Variants in PCDH9 observed in about 807,000 individuals in gnomAD.
The protein encoded by PCDH9 is protocadherin-9.
PCDH9 carries 24 observed loss-of-function variants against 70.6 expected under a neutral mutation model. That is an observed-to-expected ratio of 0.34 (90% CI 0.25 to 0.48). The LOEUF (loss-of-function observed/expected upper bound fraction) is 0.48. PCDH9 is among the 20% of genes least tolerant of loss of function. PCDH9 has a pLI of 0.99. For synonymous variants in PCDH9, 562 were observed against 558.5 expected, an observed-to-expected ratio of 1.01 and a Z score of -0.09; for missense variants, 1,281 against 1,503.6, an observed-to-expected ratio of 0.85 and a Z score of 2.45.
At chr13:67,034,089 A>T (rs1055725829) in intron 2 of PCDH9, among the ~76,000 whole-genome samples, 7 of 152,094 alleles carry the variant, frequency 4.6e-5, no homozygotes, top group Non-Finnish European at 1.0e-4. Flanking sequence ...GGTTCAAGCG[A>T]TTCTCCTGCC....
intron 2 of PCDH9, among the ~76,000 whole-genome samples, chr13:67,093,504 T>C (rs751489345): frequency 3.3e-5 from 5 of 152,054 alleles, no homozygotes; most frequent in Non-Finnish European, 7.4e-5. Flanking sequence ...ATTAAGATTG[T>C]CAACTATACT....
intron 4 of PCDH9, among the ~76,000 whole-genome samples, chr13:66,358,353 T>C (rs547183984): frequency 5.2e-4 from 79 of 152,110 alleles, no homozygotes; most frequent in Middle Eastern, 3.4e-3. Flanking sequence ...CTTAATGTCT[T>C]AGAAGTAATT....
chr13:66,596,469 T>C (rs1477145944), intron 4 of PCDH9, among the ~76,000 whole-genome samples: 1 of 151,632 alleles, frequency 6.6e-6, no homozygotes, highest in African/African-American at 2.4e-5. Flanking sequence ...CATGTACATA[T>C]ATACACCCAT....
chr13:66,512,318 C>A (rs1313754230), intron 4 of PCDH9, among the ~76,000 whole-genome samples: 2 of 147,336 alleles, frequency 1.4e-5, no homozygotes, highest in Non-Finnish European at 3.0e-5. Context: ...AATAAGAATT[C>A]ATGAGAAGCG....
chr13:66,540,459 G>C (rs995165863), intron 4 of PCDH9, among the ~76,000 whole-genome samples: 1 of 152,032 alleles, frequency 6.6e-6, no homozygotes, highest in African/African-American at 2.4e-5. Context: ...ACCATAAGCA[G>C]AAATTTTATT....
chr13:66,877,008 C>A, intron 3 of PCDH9: 1 of 151,296 alleles, frequency 6.6e-6, no homozygotes. Flanking sequence ...TATGAAAGCT[C>A]CTGACAATGT....
chr13:66,432,320 T>G lies in PCDH9; in HGVS notation c.3341-127292A>C, dbSNP rs1957786299. Among the ~76,000 whole-genome samples, 3 of 151,844 alleles carry G rather than the reference T, an allele frequency of 2.0e-5. No homozygotes were observed. In the South Asian group the frequency reaches 6.2e-4, roughly 32 times the overall value. ...GAGAAGAAGACTGTTTAAAGACAACTTTGGGAATTTGTGGCAACATGACGT... is the reference window on the plus strand; with the variant it reads ...GAGAAGAAGACTGTTTAAAGACAACGTTGGGAATTTGTGGCAACATGACGT... On this transcript the variant is annotated intron_variant, in intron 4 of 4. Transcript: ENST00000377865.
intron 4 of PCDH9, among the ~76,000 whole-genome samples, chr13:66,451,963 T>C (rs1490494560): frequency 2.0e-5 from 3 of 152,206 alleles, no homozygotes; most frequent in African/African-American, 4.8e-5. Context: ...TTTTGCTTGC[T>C]TGTTTTTAAA....
intron 2 of PCDH9, chr13:67,208,411 GC>G (rs2089400565): frequency 6.6e-6 from 1 of 152,042 alleles, no homozygotes; most frequent in Non-Finnish European, 1.5e-5. Context: ...TGTTCAGAGA[GC>G]CATATGGTTA....
intron 2 of PCDH9, among the ~76,000 whole-genome samples, chr13:66,987,623 C>T (rs1434150930): frequency 6.6e-6 from 1 of 151,890 alleles, no homozygotes; most frequent in Non-Finnish European, 1.5e-5. Flanking sequence ...TAGGTAGACT[C>T]TATATTATGA....
At chr13:66,415,965 G>C (rs1048107225) in intron 4 of PCDH9, among the ~76,000 whole-genome samples, 1 of 152,108 alleles carries the variant, frequency 6.6e-6, no homozygotes, top group African/African-American at 2.4e-5. Flanking sequence ...AAATTTTCCT[G>C]ATTATTGTCA....
At chr13:66,846,759 C>G (rs1055310635) in intron 3 of PCDH9, among the ~76,000 whole-genome samples, 1 of 151,970 alleles carries the variant, frequency 6.6e-6, no homozygotes, top group Admixed American at 6.6e-5. Context: ...AAATTATCAA[C>G]AATTTTTAAA....
chr13:67,154,674 T>C, intron 2 of PCDH9, among the ~76,000 whole-genome samples: 1 of 148,474 alleles, frequency 6.7e-6, no homozygotes, highest in Non-Finnish European at 1.5e-5. Flanking sequence ...TTTGATAACT[T>C]ATGTTGTGTT....
intron 2 of PCDH9, among the ~76,000 whole-genome samples, chr13:67,058,398 A>G (rs1376535914): frequency 6.6e-6 from 1 of 152,144 alleles, no homozygotes; most frequent in Non-Finnish European, 1.5e-5. Flanking sequence ...CCAAGTGTGC[A>G]CGTCCCAGCT....
At chr13:66,644,802 C>T (rs922437898) in intron 3 of PCDH9, among the ~76,000 whole-genome samples, 2 of 152,034 alleles carry the variant, frequency 1.3e-5, no homozygotes, top group African/African-American at 4.8e-5. Flanking sequence ...AAAGTTTCTA[C>T]ATTAAATAGC....
At chr13:67,060,884 C>A (rs937522541) in intron 2 of PCDH9, among the ~76,000 whole-genome samples, 1 of 152,028 alleles carries the variant, frequency 6.6e-6, no homozygotes, top group African/African-American at 2.4e-5. Flanking sequence ...CCTTTAAGAT[C>A]ATTAAAACTA....
chr13:66,368,612 C>T (rs1041346898), intron 4 of PCDH9, among the ~76,000 whole-genome samples: 7 of 151,510 alleles, frequency 4.6e-5, no homozygotes, highest in African/African-American at 1.7e-4. Flanking sequence ...TTTATATATA[C>T]ACATATATGG....
At chr13:66,902,827 A>T (rs1482188360) in intron 3 of PCDH9, among the ~76,000 whole-genome samples, 1 of 151,810 alleles carries the variant, frequency 6.6e-6, no homozygotes, top group African/African-American at 2.4e-5. Flanking sequence ...AAAAAAAAAT[A>T]CATGAAAGAT....
chr13:66,628,664 C>G (rs762973314), intron 4 of PCDH9, among the ~76,000 whole-genome samples: 1 of 152,190 alleles, frequency 6.6e-6, no homozygotes, highest in Non-Finnish European at 1.5e-5. Flanking sequence ...CCATGCCAAG[C>G]TGTAATACAT....
Sources: gnomAD v4.1 joint callset for allele counts (sites outside exome capture counted in the v4.1 genomes callset) on GRCh38, gnomAD v4.1.1 for gene constraint, MANE v1.5 for transcripts, NCBI Gene and HGNC (gene_info 2026-07-23, HGNC 2026-07-21) for gene names.